Variants in NTM observed in about 807,000 individuals in gnomAD.
NTM encodes the protein neurotrimin.
NTM carries 13 observed loss-of-function variants against 42.1 expected under a neutral mutation model. The observed-to-expected ratio is 0.31, with a 90% CI of 0.20 to 0.49. The LOEUF (loss-of-function observed/expected upper bound fraction) is 0.49, where lower values mean the gene tolerates loss of function less well. NTM is among the 20% of genes least tolerant of loss of function. The probability of loss-of-function intolerance (pLI) is 0.99; values close to 1 mark genes in which losing one functional copy is unlikely to be tolerated. For synonymous variants in NTM, 187 were observed against 179.2 expected (o/e 1.04, Z -0.35); for missense variants, 373 against 452.8 (o/e 0.82, Z 1.60).
chr11:132,050,606 G>T (rs1180360782), intron 2 of NTM, among the ~76,000 whole-genome samples: 2 of 152,182 alleles, frequency 1.3e-5, no homozygotes, highest in South Asian at 2.1e-4. Context: ...TCCAAGGAGA[G>T]GTGCGTGCTC....
chr11:132,213,892 G>A lies in NTM; in HGVS notation c.526+1745G>A, dbSNP rs1281098801. ...TGGGACTACAGGCGCCCGCCACTAC[G>A]CCCGGCTAATTTTTTGTATTTTTAG... is the stretch of plus-strand genomic sequence containing the variant. On this transcript the variant is annotated intron_variant, in intron 4 of 8. Transcript: ENST00000683400. Among the ~76,000 whole-genome samples, 4 of 116,434 alleles carry A rather than the reference G, an allele frequency of 3.4e-5. 1 individual carries two copies. The highest frequency in any genetic ancestry group is 4.0e-4 in the East Asian group (2 of 4,942). 76.4% of individuals were successfully genotyped at this position (116,434 alleles called of 152,430 possible). A position where few individuals can be genotyped will look rare whatever the true frequency, so the allele number is the denominator to read the frequency against.
At chr11:132,323,225 A>T (rs2095608232) in intron 7 of NTM, among the ~76,000 whole-genome samples, 1 of 151,258 alleles carries the variant, frequency 6.6e-6, no homozygotes, top group African/African-American at 2.4e-5. Context: ...CCTTCAAAAA[A>T]TTGATGAATC....
intron 1 of NTM, among the ~76,000 whole-genome samples, chr11:131,814,089 G>A (rs1177807916): frequency 6.6e-6 from 1 of 152,110 alleles, no homozygotes; most frequent in African/African-American, 2.4e-5. Flanking sequence ...ACTTTATAGA[G>A]CTAATGTACT....
intron 4 of NTM, among the ~76,000 whole-genome samples, chr11:132,283,286 A>G (rs956901788): frequency 2.0e-5 from 3 of 152,158 alleles, no homozygotes; most frequent in African/African-American, 7.2e-5. Context: ...CTCCGGGTCA[A>G]CAGGGGCAAT....
At chr11:131,482,294 A>C (rs571644164) in intron 1 of NTM, among the ~76,000 whole-genome samples, 14 of 152,158 alleles carry the variant, frequency 9.2e-5, no homozygotes, top group Non-Finnish European at 1.9e-4. Context: ...GATTCCCCCC[A>C]CCCATCACAA....
intron 1 of NTM, among the ~76,000 whole-genome samples, chr11:131,876,705 G>A (rs1382779361): frequency 6.6e-6 from 1 of 152,138 alleles, no homozygotes; most frequent in East Asian, 1.9e-4. Context: ...GAGAGGCCAG[G>A]TTATATGAGT....
At chr11:131,527,058 AAC>A (rs2050594314) in intron 1 of NTM, among the ~76,000 whole-genome samples, 1 of 152,188 alleles carries the variant, frequency 6.6e-6, no homozygotes, top group Non-Finnish European at 1.5e-5. Flanking sequence ...TCAGCCTGGC[AAC>A]CTCTTACAAG....
At chr11:132,312,765 G>A (rs1167776710) in intron 6 of NTM, 1 of 154,894 alleles carries the variant, frequency 6.5e-6, no homozygotes, top group Non-Finnish European at 1.5e-5. Flanking sequence ...AGCCTGACTT[G>A]CTCGCAGAAT....
intron 1 of NTM, among the ~76,000 whole-genome samples, chr11:131,833,363 G>C (rs1163446119): frequency 2.0e-5 from 3 of 152,170 alleles, no homozygotes; most frequent in Non-Finnish European, 4.4e-5. Context: ...TGTGCTACAT[G>C]CTTCACATAC....
intron 1 of NTM, among the ~76,000 whole-genome samples, chr11:131,894,114 A>T (rs7117683): frequency 0.11 from 16,117 of 152,184 alleles, 986 homozygotes; most frequent in African/African-American, 0.17. Context: ...CTCTGTGAAC[A>T]ATGGACTTCT....
At chr11:131,856,379 A>G (rs1029924099) in intron 1 of NTM, among the ~76,000 whole-genome samples, 1 of 152,184 alleles carries the variant, frequency 6.6e-6, no homozygotes, top group Non-Finnish European at 1.5e-5. Flanking sequence ...TTTTTCAACG[A>G]ATAATACTCA....
intron 4 of NTM, among the ~76,000 whole-genome samples, chr11:132,271,812 AT>A (rs1233040009): frequency 6.6e-6 from 1 of 150,496 alleles, no homozygotes; most frequent in Non-Finnish European, 1.5e-5. Flanking sequence ...CAGATATATG[AT>A]TGGCAGATAT....
At chr11:132,267,796 C>T (rs1399173983) in intron 4 of NTM, among the ~76,000 whole-genome samples, 9 of 151,104 alleles carry the variant, frequency 6.0e-5, no homozygotes, top group Middle Eastern at 3.4e-3. Flanking sequence ...GAGCCGAGAT[C>T]GCTCCATTGC....
rs1565551287 is a variant in NTM, at chr11:131,789,504, AAG to A, written c.83-122058_83-122057del. On this transcript the variant is annotated intron_variant, in intron 1 of 8. Transcript: ENST00000683400. The stretch of plus-strand genomic sequence containing the variant: ...AAGAAGAAGAAGAGGAAAGAAGAAG[AAG>A]AAGAAGAAGAAGAAGAAGAAGAAGA... Among the ~76,000 whole-genome samples the A allele has an allele frequency of 5.1e-3, 48 of 9,384 alleles. 13 individuals carry two copies. The highest frequency in any genetic ancestry group is 8.2e-3 in the Admixed American group (7 of 852). 6.2% of individuals were successfully genotyped at this position (9,384 alleles called of 152,430 possible).
chr11:132,268,668 C>CTGTGTGTGTGTGTGTGTGTG (rs779978929), intron 4 of NTM, among the ~76,000 whole-genome samples: 40 of 138,700 alleles, frequency 2.9e-4, no homozygotes, highest in African/African-American at 8.8e-4. Flanking sequence ...CTCTCTCTCT[C>CTGTGTGTGTGTGTGTGTGTG]TCTGTGTGTG....
At position 132,095,233 on chromosome 11, in the gene NTM, C is replaced by T. The variant is rs143910688; in HGVS notation, c.168-51049C>T. ...TCTGCTGCTCACACTTTTACTTCTC[C>T]CCGCCTTTCTGATTCTTTGCCTAAT... On this transcript the variant is annotated intron_variant, in intron 2 of 8. Transcript: ENST00000683400. Among the ~76,000 whole-genome samples the T allele has an allele frequency of 4.0e-3, 606 of 152,266 alleles. 2 individuals carry two copies. Among genetic ancestry groups the T allele is most frequent in the Middle Eastern group, 0.01 (3 of 294 alleles).
At chr11:131,466,093 T>G (rs942791077) in intron 1 of NTM, among the ~76,000 whole-genome samples, 3 of 152,218 alleles carry the variant, frequency 2.0e-5, no homozygotes, top group Non-Finnish European at 2.9e-5. Context: ...GAGCAGCATG[T>G]GAGCAGGTGC....
At chr11:132,102,767 C>T (rs898182737) in intron 2 of NTM, among the ~76,000 whole-genome samples, 3 of 152,128 alleles carry the variant, frequency 2.0e-5, no homozygotes, top group Non-Finnish European at 4.4e-5. Flanking sequence ...GGGAGAGATG[C>T]CATGCATTTC....
chr11:132,129,090 A>C (rs548573557), intron 2 of NTM, among the ~76,000 whole-genome samples: 1 of 152,000 alleles, frequency 6.6e-6, no homozygotes, highest in Non-Finnish European at 1.5e-5. Flanking sequence ...CCGCTGGAAA[A>C]GTGTAGTTTG....
Sources: gnomAD v4.1 joint callset for allele counts (sites outside exome capture counted in the v4.1 genomes callset) on GRCh38, gnomAD v4.1.1 for gene constraint, MANE v1.5 for transcripts, NCBI Gene and HGNC (gene_info 2026-07-23, HGNC 2026-07-21) for gene names.